RBFOX1: variants seen among roughly 807,000 people sequenced by gnomAD.
The protein encoded by RBFOX1 is RNA binding fox-1 homolog 1, also known as RNA binding protein fox-1 homolog 1.
A neutral mutation model predicts 57.7 loss-of-function variants in RBFOX1; 8 were observed. The observed-to-expected ratio is 0.14, with a 90% CI of 0.08 to 0.25. RBFOX1 has a LOEUF of 0.25. RBFOX1 is among the 10% of genes least tolerant of loss of function. The pLI is 1.00. For synonymous variants in RBFOX1, 326 were observed against 222.4 expected (o/e 1.47, Z -4.15); for missense variants, 611 against 548.5 (o/e 1.11, Z -1.14).
rs145609475 is a variant in RBFOX1 at position 6,998,565 on chromosome 16, C to T, written c.-15-53492C>T. On this transcript the variant is annotated intron_variant, in intron 3 of 15. Coordinates refer to ENST00000550418, the MANE Select transcript of RBFOX1 (RefSeq NM_018723.4). ...GAGAACAGCTGGTTGTATTGAAGAA[C>T]CAAAATAGGATTTTAATTTGGTTAT... Among the ~76,000 whole-genome samples, 25 of 152,224 alleles carry T rather than the reference C, an allele frequency of 1.6e-4. No individual in the cohort carries two copies. The East Asian group carries it at 4.8e-3, about 29-fold the overall frequency.
chr16:5,372,803 G>A (rs2065892118), intron 1 of RBFOX1, among the ~76,000 whole-genome samples: 1 of 152,198 alleles, frequency 6.6e-6, no homozygotes, highest in African/African-American at 2.4e-5. Flanking sequence ...TTCATGCTGG[G>A]TCGCGTTGAC....
chr16:5,547,905 A>T (rs1412004116), intron 2 of RBFOX1, among the ~76,000 whole-genome samples: 2 of 151,998 alleles, frequency 1.3e-5, no homozygotes, highest in Non-Finnish European at 2.9e-5. Flanking sequence ...CATGCCTGTA[A>T]TCCTAGCACT....
At chr16:6,993,998 GT>G (rs1192612760) in intron 3 of RBFOX1, among the ~76,000 whole-genome samples, 4 of 152,164 alleles carry the variant, frequency 2.6e-5, no homozygotes, top group Non-Finnish European at 4.4e-5. Context: ...TTTAGAAGAA[GT>G]ATGTGGTTTA....
chr16:7,406,799 C>G (rs550756257), intron 4 of RBFOX1, among the ~76,000 whole-genome samples: 2 of 152,334 alleles, frequency 1.3e-5, no homozygotes, highest in South Asian at 4.1e-4. Flanking sequence ...CTGTACTAAA[C>G]TTGAGGCTTC....
At chr16:7,461,619 T>G (rs1363896458) in intron 4 of RBFOX1, among the ~76,000 whole-genome samples, 1 of 152,234 alleles carries the variant, frequency 6.6e-6, no homozygotes, top group Admixed American at 6.5e-5. Context: ...GTGTCTGTTT[T>G]TGCATTTCCA....
intron 4 of RBFOX1, among the ~76,000 whole-genome samples, chr16:7,300,196 G>T (rs539654617): frequency 6.6e-6 from 1 of 152,106 alleles, no homozygotes; most frequent in African/African-American, 2.4e-5. Flanking sequence ...TTTCTTCTCT[G>T]TATTACTTAC....
At chr16:5,570,785 A>C (rs2046254928) in intron 2 of RBFOX1, among the ~76,000 whole-genome samples, 1 of 150,626 alleles carries the variant, frequency 6.6e-6, no homozygotes, top group Non-Finnish European at 1.5e-5. Flanking sequence ...GGTTGTAGTG[A>C]GCTGAGATTG....
chr16:6,969,641 G>T (rs1442005106), intron 3 of RBFOX1, among the ~76,000 whole-genome samples: 3 of 152,160 alleles, frequency 2.0e-5, no homozygotes, highest in Non-Finnish European at 4.4e-5. Context: ...CTACTCGGGA[G>T]GCTGAGGTGG....
intron 2 of RBFOX1, among the ~76,000 whole-genome samples, chr16:6,526,326 G>C (rs1195143648): frequency 6.6e-6 from 1 of 152,162 alleles, no homozygotes; most frequent in Non-Finnish European, 1.5e-5. Context: ...CTACATGGGA[G>C]AGGTGTTAAT....
At chr16:6,769,025 C>A (rs1265385787) in intron 3 of RBFOX1, among the ~76,000 whole-genome samples, 2 of 152,146 alleles carry the variant, frequency 1.3e-5, no homozygotes, top group African/African-American at 4.8e-5. Flanking sequence ...CTGCGCCCAG[C>A]CAATATTACT....
chr16:6,577,617 C>T (rs2097460169), intron 2 of RBFOX1, among the ~76,000 whole-genome samples: 1 of 152,186 alleles, frequency 6.6e-6, no homozygotes, highest in Admixed American at 6.5e-5. Context: ...ATTGGCTCAT[C>T]ATTCCCAGTG....
chr16:6,438,696 G>C (rs2094300998), intron 2 of RBFOX1, among the ~76,000 whole-genome samples: 1 of 152,154 alleles, frequency 6.6e-6, no homozygotes, highest in Non-Finnish European at 1.5e-5. Context: ...TCAAGAGGCA[G>C]ATGTTCGGGC....
chr16:6,549,718 C>T (rs1223743310), intron 2 of RBFOX1, among the ~76,000 whole-genome samples: 1 of 152,038 alleles, frequency 6.6e-6, no homozygotes, highest in Non-Finnish European at 1.5e-5. Context: ...TCTCCAGCCT[C>T]ATGACCTACA....
At chr16:6,684,385 C>T (rs761552965) in intron 3 of RBFOX1, among the ~76,000 whole-genome samples, 6 of 152,176 alleles carry the variant, frequency 3.9e-5, no homozygotes, top group Admixed American at 3.3e-4. Flanking sequence ...CCATTGAGGG[C>T]AGATGTTTTC....
intron 5 of RBFOX1, among the ~76,000 whole-genome samples, chr16:7,575,121 G>A (rs75778565): frequency 0.041 from 6,185 of 152,074 alleles, 179 homozygotes; most frequent in Middle Eastern, 0.061. Flanking sequence ...CCTGGATTTA[G>A]GATGGGCTCA....
intron 1 of RBFOX1, among the ~76,000 whole-genome samples, chr16:6,115,447 G>C (rs369924057): frequency 6.6e-6 from 1 of 152,164 alleles, no homozygotes; most frequent in Admixed American, 6.5e-5. Flanking sequence ...CAGTAGTGAG[G>C]ATGTCTTAAC....
intron 2 of RBFOX1, among the ~76,000 whole-genome samples, chr16:5,561,704 A>T (rs1007009135): frequency 3.0e-4 from 45 of 152,148 alleles, no homozygotes; most frequent in African/African-American, 1.1e-3. Context: ...TAATTATCTT[A>T]TCTCCAGGAG....
chr16:6,658,124 A>C (rs1367213845), intron 3 of RBFOX1, among the ~76,000 whole-genome samples: 1 of 151,974 alleles, frequency 6.6e-6, no homozygotes, highest in East Asian at 1.9e-4. Context: ...CCTCATTCCC[A>C]TTCTCTTCCT....
At chr16:5,326,084 A>T (rs965183385) in intron 1 of RBFOX1, among the ~76,000 whole-genome samples, 11 of 151,988 alleles carry the variant, frequency 7.2e-5, no homozygotes, top group Admixed American at 2.6e-4. Flanking sequence ...ACAGCAGTGT[A>T]TGAGAGTTCC....
Sources: gnomAD v4.1 joint callset for allele counts (sites outside exome capture counted in the v4.1 genomes callset) on GRCh38, gnomAD v4.1.1 for gene constraint, MANE v1.5 for transcripts, NCBI Gene and HGNC (gene_info 2026-07-23, HGNC 2026-07-21) for gene names.